The following ROBO2 variants were observed in gnomAD, a reference collection of about 807,000 sequenced individuals.
ROBO2 encodes the protein roundabout homolog 2.
Under a neutral mutation model 160.8 loss-of-function variants are expected in ROBO2, and 53 were observed. That is an observed-to-expected ratio of 0.33 (90% confidence interval 0.26 to 0.41). ROBO2 has a LOEUF of 0.41. Ranked by LOEUF, ROBO2 falls within the 10% of genes least tolerant of loss-of-function variation. The pLI, the probability that ROBO2 is intolerant of heterozygous loss-of-function variation, is 1.00. For missense variants in ROBO2, 1,577 were observed against 1,722.4 expected (o/e 0.92, Z 1.49); for synonymous variants, 664 against 611.7 (o/e 1.09, Z -1.26).
intron 2 of ROBO2, among the ~76,000 whole-genome samples, chr3:77,103,418 T>TC (rs1029639749): frequency 2.6e-5 from 4 of 151,646 alleles, no homozygotes; most frequent in Admixed American, 2.6e-4. Flanking sequence ...TTTTTTTTTT[T>TC]TTCTTTTTTC....
Position 77,505,596 on chromosome 3 carries a change from A to G in ROBO2, c.806+12214A>G, listed in dbSNP as rs537274496. On this transcript the variant is annotated intron_variant, in intron 5 of 25. Transcript: ENST00000461745. ...AAGGAGAGGAAAAATGACCAAATCAACTATGATATGCCATCTATGATAAGA... is the reference window on the plus strand; with the variant it reads ...AAGGAGAGGAAAAATGACCAAATCAGCTATGATATGCCATCTATGATAAGA... Among the ~76,000 whole-genome samples, 339 of 152,314 alleles carry G rather than the reference A, an allele frequency of 2.2e-3. 3 individuals carry two copies. The highest frequency in any genetic ancestry group is 7.7e-3 in the African/African-American group (320 of 41,586).
At chr3:77,400,535 C>T (rs1024223012) in intron 2 of ROBO2, among the ~76,000 whole-genome samples, 1 of 152,070 alleles carries the variant, frequency 6.6e-6, no homozygotes, top group Non-Finnish European at 1.5e-5. Flanking sequence ...ACATTCGGTT[C>T]GTTTAAGTGT....
intron 2 of ROBO2, among the ~76,000 whole-genome samples, chr3:76,624,954 G>C (rs940820416): frequency 1.3e-5 from 2 of 151,214 alleles, no homozygotes. Context: ...AATATTTGGG[G>C]GTTTAGCCAT....
chr3:77,111,099 T>A (rs2073517464), intron 2 of ROBO2, among the ~76,000 whole-genome samples: 1 of 152,194 alleles, frequency 6.6e-6, no homozygotes, highest in Non-Finnish European at 1.5e-5. Context: ...TAAATTTGAC[T>A]TTATTAAAAT....
intron 2 of ROBO2, among the ~76,000 whole-genome samples, chr3:77,429,581 A>G (rs2078562789): frequency 1.3e-5 from 2 of 150,762 alleles, no homozygotes; most frequent in Admixed American, 6.6e-5. Context: ...GTAATAGAAA[A>G]CAGTTCAAAA....
At chr3:76,961,247 GAAAA>G (rs371889909) in intron 2 of ROBO2, among the ~76,000 whole-genome samples, 1 of 54,448 alleles carries the variant, frequency 1.8e-5, no homozygotes, top group Non-Finnish European at 4.3e-5. Context: ...GTGCCACAGA[GAAAA>G]AAAAAAAAAA....
chr3:77,383,288 G>C (rs974350232), intron 2 of ROBO2, among the ~76,000 whole-genome samples: 11 of 151,914 alleles, frequency 7.2e-5, no homozygotes, highest in African/African-American at 2.7e-4. Context: ...CCAAAGTTTA[G>C]ACACATACTG....
intron 2 of ROBO2, among the ~76,000 whole-genome samples, chr3:75,988,876 T>C (rs907771833): frequency 2.6e-5 from 4 of 151,948 alleles, no homozygotes; most frequent in Non-Finnish European, 5.9e-5. Context: ...AATCTGATGA[T>C]ATATAATTTG....
intron 9 of ROBO2, among the ~76,000 whole-genome samples, chr3:77,560,066 T>C (rs1203653481): frequency 1.3e-5 from 2 of 152,104 alleles, no homozygotes; most frequent in Non-Finnish European, 2.9e-5. Context: ...GCATTTTCAC[T>C]GTATCACTGA....
Position 77,551,218 on chromosome 3 carries a change from A to G in ROBO2, c.1231+229A>G, listed in dbSNP as rs989503734. ...GATAATTTACTTAATTCTTAAAAAT[A>G]GAATAGTGCATTTTTTTAAATAAAT... is the stretch of plus-strand genomic sequence containing the variant. On this transcript the variant is annotated intron_variant, in intron 8 of 25. Coordinates refer to ENST00000461745, the Ensembl canonical transcript of ROBO2. 3.3e-5 allele frequency among the ~76,000 whole-genome samples: 5 copies of G among 152,164 alleles called. No individual in the cohort carries two copies. The East Asian group carries it at 9.7e-4, about 30-fold the overall frequency.
At chr3:76,378,754 T>G (rs1272170461) in intron 2 of ROBO2, among the ~76,000 whole-genome samples, 1 of 152,184 alleles carries the variant, frequency 6.6e-6, no homozygotes, top group Non-Finnish European at 1.5e-5. Flanking sequence ...TAAGTAGTAC[T>G]TTGCCAAACC....
At chr3:76,700,540 G>A (rs2093025784) in intron 2 of ROBO2, among the ~76,000 whole-genome samples, 1 of 152,032 alleles carries the variant, frequency 6.6e-6, no homozygotes, top group South Asian at 2.1e-4. Flanking sequence ...GGCAAAGCTG[G>A]GCTCCGACAG....
In ROBO2 at chr3:76,456,271, T is replaced by C. The variant is rs970395417; in HGVS notation, c.109+518669T>C. The stretch of plus-strand genomic sequence containing the variant: ...TCCCATTAAACCAGGAGGAGTTATG[T>C]AGTTACATTGATTTTGATAAATTCA... On this transcript the variant is annotated intron_variant, in intron 2 of 26. Coordinates refer to the ROBO2 transcript ENST00000487694. Among the ~76,000 whole-genome samples the C allele has an allele frequency of 2.0e-5, 3 of 152,336 alleles. No individual in the cohort carries two copies. In the East Asian group the frequency reaches 5.8e-4, roughly 29 times the overall value.
At chr3:75,907,001 G>A (rs1946371924) in intron 1 of ROBO2, 1 of 152,410 alleles carries the variant, frequency 6.6e-6, no homozygotes, top group South Asian at 2.1e-4. Context: ...TCTCGAACCA[G>A]AGACGTGGCA....
At chr3:76,608,899 T>C (rs961951235) in intron 2 of ROBO2, among the ~76,000 whole-genome samples, 4 of 152,152 alleles carry the variant, frequency 2.6e-5, no homozygotes, top group Non-Finnish European at 4.4e-5. Flanking sequence ...GTATTCAATA[T>C]GTAGTCTTTT....
At chr3:76,116,517 A>C (rs563045314) in intron 2 of ROBO2, among the ~76,000 whole-genome samples, 2 of 152,232 alleles carry the variant, frequency 1.3e-5, no homozygotes, top group East Asian at 1.9e-4. Context: ...ACAGGAGGAG[A>C]ACCGAGATGC....
At chr3:77,043,180 A>G (rs765173681) in intron 1 of ROBO2, among the ~76,000 whole-genome samples, 10 of 152,166 alleles carry the variant, frequency 6.6e-5, no homozygotes, top group Non-Finnish European at 1.5e-4. Context: ...GTTGGTTTGT[A>G]GGTTCTCTAA....
chr3:76,536,716 T>C (rs1338372288), intron 2 of ROBO2, among the ~76,000 whole-genome samples: 6 of 152,178 alleles, frequency 3.9e-5, no homozygotes, highest in Non-Finnish European at 7.4e-5. Flanking sequence ...TATAAACAAC[T>C]CTTTCCCGCT....
At chr3:77,348,332 GTAGGGTAACT>G (rs562050041) in intron 2 of ROBO2, among the ~76,000 whole-genome samples, 48 of 152,256 alleles carry the variant, frequency 3.2e-4, no homozygotes, top group African/African-American at 1.1e-3. Flanking sequence ...TTTAGACCAT[GTAGGGTAACT>G]TCCTGATGTT....
Sources: allele counts gnomAD v4.1 joint callset (sites outside exome capture counted in the v4.1 genomes callset), GRCh38; gene constraint gnomAD v4.1.1; transcripts MANE v1.5; gene names NCBI Gene and HGNC (gene_info 2026-07-23, HGNC 2026-07-21).